The following NKPD1 variants were observed in gnomAD, a reference collection of about 807,000 sequenced individuals.
The protein encoded by NKPD1 is NTPase KAP family P-loop domain containing 1.
Under a neutral mutation model 42.2 loss-of-function variants are expected in NKPD1, and 37 were observed. The ratio of observed to expected loss-of-function variants is 0.88; its 90% CI spans 0.67 to 1.15. NKPD1 has a LOEUF of 1.15. NKPD1 is among the 50% of genes most tolerant of loss of function. NKPD1 has a pLI of 0.00. For synonymous variants in NKPD1, 552 were observed against 536.5 expected (o/e 1.03, Z -0.40); for missense variants, 1,113 against 1,174.6 (o/e 0.95, Z 0.77).
At chr19:45,153,951 G>T in intron 4 of NKPD1, 176 bp from the exon 5 acceptor site, 1 of 593,926 alleles carries the variant, frequency 1.7e-6, no homozygotes, top group Non-Finnish European at 2.6e-6. Context: ...AGAAGCGGGG[G>T]CGTGGAGAGG....
At position 45,158,608 on chromosome 19, in the gene NKPD1, G is replaced by T; in HGVS notation, c.529+55C>A. The stretch of plus-strand genomic sequence containing the variant: ...AGGCAGGGAGCAAGGAGAGCAGGTG[G>T]GAAGTGAGGCGGCAGGAGTGGGGAC... On this transcript the variant is annotated intron_variant, in intron 3 of 4. Transcript: ENST00000686631. This position sits in a 1 kb window ranked among gnomAD's most constrained non-coding sequence, Gnocchi z 4.6. The T allele has an allele frequency of 1.7e-6, 2 of 1,147,538 alleles. No individual in the cohort carries two copies. Among genetic ancestry groups the T allele is most frequent in the South Asian group, 3.5e-5 (2 of 57,436 alleles). The allele number at this position is 1,147,538 out of a possible 1,614,324, so 71.1% of individuals were successfully genotyped here. A position where few individuals can be genotyped will look rare whatever the true frequency, so the allele number is the denominator to read the frequency against.
Position 45,152,177 on chromosome 19 carries a change from T to G in NKPD1, c.2260A>C (p.Met754Leu). The G allele has an allele frequency of 1.9e-6, 3 of 1,595,330 alleles. No homozygotes were observed. Among genetic ancestry groups the G allele is most frequent in the Non-Finnish European group, 2.6e-6 (3 of 1,172,616 alleles). ...VNLDHSIRRR[M>L]GLIRAVSALK... Reference sequence around the variant, plus strand: ...GCGCTGACGGCTCGGATGAGACCCATGCGCCGGCGGATGGAGTGGTCCAGG... The same window carrying G: ...GCGCTGACGGCTCGGATGAGACCCAGGCGCCGGCGGATGGAGTGGTCCAGG... The change falls in exon 5 of 5, where the codon ATG becomes CTG. Residue 754 changes from methionine (M) to leucine (L), a missense_variant. By Grantham distance (15) the Met-to-Leu change is conservative. Coordinates refer to ENST00000686631, the MANE Select transcript of NKPD1 (RefSeq NM_198478.4).
rs748472591 is a variant in NKPD1, at chr19:45,153,570, G to T, written c.867C>A (p.Thr289=). 6.4e-7 allele frequency: 1 copy of T among 1,556,464 alleles called. No individual in the cohort carries two copies. The change falls in exon 5 of 5, where the codon ACC becomes ACA. Residue 289 remains threonine, a synonymous_variant. Transcript: ENST00000686631. Reference sequence around the variant, plus strand: ...TCACCAGGCCGGCCCACAGCTTGTCGGTGCCCGCGTACTGCCAGGCGCTAA... The same window carrying T: ...TCACCAGGCCGGCCCACAGCTTGTCTGTGCCCGCGTACTGCCAGGCGCTAA... ...IRFSAWQYAG[T]DKLWAGLVTT...
chr19:45,152,156 T>C lies in NKPD1; in HGVS notation c.2281A>G (p.Ser761Gly). 2 of 1,597,630 alleles carry C rather than the reference T, an allele frequency of 1.3e-6. No individual in the cohort carries two copies. The highest frequency in any genetic ancestry group is 1.7e-6 in the Non-Finnish European group (2 of 1,173,238). The stretch of plus-strand genomic sequence containing the variant: ...GGCGGGCTGGGCGGCTTGAGCGCGC[T>C]GACGGCTCGGATGAGACCCATGCGC... ...RRRMGLIRAV[S>G]ALKPPSPPKS... Residue 761 changes from serine to glycine, a missense_variant, in exon 5 of 5, where the codon AGC becomes GGC. This residue lies in a region of NKPD1 where 867 missense variants were observed against 870.1 expected (regional missense o/e 1.00). Transcript: ENST00000686631.
Position 45,151,637 on chromosome 19 carries a change from C to T in NKPD1, c.*301G>A. 1 of 346,296 alleles carries T rather than the reference C, an allele frequency of 2.9e-6. No homozygotes were observed. 21.5% of individuals were successfully genotyped at this position (346,296 alleles called of 1,614,324 possible). On this transcript the variant is annotated 3_prime_UTR_variant, in exon 5 of 5. Transcript: ENST00000686631. ...GGGCAGGCCCTGTGGCAGGACGGGGCAGGCCTGGTCCCTGGTCAGATCAGG... is the reference window on the plus strand; with the variant it reads ...GGGCAGGCCCTGTGGCAGGACGGGGTAGGCCTGGTCCCTGGTCAGATCAGG...
Position 45,152,868 on chromosome 19 carries a change from G to C in NKPD1, c.1569C>G (p.Val523=). The C allele has an allele frequency of 6.3e-7, 1 of 1,589,290 alleles. No individual in the cohort carries two copies. The highest frequency in any genetic ancestry group is 8.6e-7 in the Non-Finnish European group (1 of 1,164,936). ...DNGYLFLNRT[V]TLPFSVPIMG... ...TAATGGGCACAGAGAAGGGCAGCGT[G>C]ACAGTGCGGTTGAGGAAGAGGTAGC... Residue 523 remains valine (V), a synonymous_variant, in exon 5 of 5, where the codon GTC becomes GTG. Transcript: ENST00000686631.
upstream of NKPD1, among the ~76,000 whole-genome samples, chr19:45,161,173 C>A (rs1303305866): frequency 6.6e-6 from 1 of 152,232 alleles, no homozygotes; most frequent in Non-Finnish European, 1.5e-5. Flanking sequence ...CATCCCGCAG[C>A]ACTGCCTCAA....
intron 1 of NKPD1, among the ~76,000 whole-genome samples, 76 bp downstream of exon 1, chr19:45,160,849 G>C (rs1451968825): frequency 6.6e-6 from 1 of 151,898 alleles, no homozygotes; most frequent in Non-Finnish European, 1.5e-5. Context: ...AAGGCTGAGG[G>C]GCAGAGGAAA....
intron 3 of NKPD1, among the ~76,000 whole-genome samples, chr19:45,156,308 C>T (rs1968901878): frequency 6.6e-6 from 1 of 152,202 alleles, no homozygotes; most frequent in Non-Finnish European, 1.5e-5. Context: ...TTTCCACCAT[C>T]AGCAGGACTC....
rs893815341 is a variant in NKPD1 at position 45,149,865 on chromosome 19, C to G, written c.*2073G>C. ...GAAGCTCTTAGGGCTCTGTTGCTCC[C>G]CAGGGCCTCAAGGATCCCGGATCAA... On this transcript the variant is annotated 3_prime_UTR_variant, in exon 5 of 5. Transcript: ENST00000686631. 6.6e-6 allele frequency: 1 copy of G among 152,174 alleles called. No homozygotes were observed. Among genetic ancestry groups the G allele is most frequent in the Non-Finnish European group, 1.5e-5 (1 of 68,036 alleles). 9.4% of individuals were successfully genotyped at this position (152,174 alleles called of 1,614,324 possible).
At chr19:45,153,823 G>A (rs1322972010) in intron 4 of NKPD1, 48 bp from the exon 5 acceptor site, 3 of 1,407,852 alleles carry the variant, frequency 2.1e-6, no homozygotes, top group South Asian at 3.1e-5. Context: ...ACCCGCCGGG[G>A]TGGGCGGGGC....
At position 45,153,541 on chromosome 19, in the gene NKPD1, G is replaced by T. The variant is rs758927626; in HGVS notation, c.896C>A (p.Thr299Lys). 3 of 1,551,574 alleles carry T rather than the reference G, an allele frequency of 1.9e-6. No individual in the cohort carries two copies. Among genetic ancestry groups the T allele is most frequent in the Non-Finnish European group, 2.6e-6 (3 of 1,146,688 alleles). Residue 299 changes from threonine to lysine, a missense_variant, in exon 5 of 5, where the codon ACG becomes AAG. Physicochemically the swap from Thr to Lys is moderately conservative, Grantham distance 78. This residue lies in a region of NKPD1 where 867 missense variants were observed against 870.1 expected (regional missense o/e 1.00). Coordinates refer to ENST00000686631, the MANE Select transcript of NKPD1 (RefSeq NM_198478.4). ...TDKLWAGLVT[T>K]LCEGIRRHYG... ...GTGGCGGCGGATGCCCTCGCACAAC[G>T]TGGTCACCAGGCCGGCCCACAGCTT...
chr19:45,153,409 C>T lies in NKPD1; in HGVS notation c.1028G>A (p.Gly343Glu). The T allele has an allele frequency of 6.4e-7, 1 of 1,552,952 alleles. No individual in the cohort carries two copies. The highest frequency in any genetic ancestry group is 8.7e-7 in the Non-Finnish European group (1 of 1,153,020). ...EWHCRRRVCLGLLALLAALGL... is the reference protein window; with the variant it reads ...EWHCRRRVCLELLALLAALGL... ...CAGCGCCGCCAGCAGCGCCAGCAGC[C>T]CCAGGCACACGCGGCGCCGACAATG... is the stretch of plus-strand genomic sequence containing the variant. Residue 343 changes from glycine to glutamate, a missense_variant, in exon 5 of 5, where the codon GGG becomes GAG. By Grantham distance (98) the Gly-to-Glu change is moderately conservative. Coordinates refer to ENST00000686631, the MANE Select transcript of NKPD1 (RefSeq NM_198478.4).
chr19:45,152,323 G>A lies in NKPD1; in HGVS notation c.2114C>T (p.Thr705Ile). The part of the protein sequence containing the change: ...RDNSRELHTM[T>I]KALQNVLDLD... ...GTCGAGCACGTTCTGCAACGCCTTG[G>A]TCATGGTGTGCAGCTCGCGGCTGTT... The change falls in exon 5 of 5, where the codon ACC becomes ATC. Residue 705 changes from threonine to isoleucine, a missense_variant. Around this residue, in one of 3 missense-constraint regions of NKPD1, gnomAD observed 867 missense variants for 870.1 expected, o/e 1.00. Transcript: ENST00000686631. The A allele has an allele frequency of 6.2e-7, 1 of 1,609,448 alleles. No homozygotes were observed. Among genetic ancestry groups the A allele is most frequent in the Non-Finnish European group, 8.5e-7 (1 of 1,177,998 alleles).
intron 4 of NKPD1, 120 bp downstream of exon 4, chr19:45,155,665 G>A: frequency 9.9e-7 from 1 of 1,005,708 alleles, no homozygotes; most frequent in South Asian, 1.5e-5. Flanking sequence ...GCTTGGGGAG[G>A]GCCTGGGCTG....
At chr19:45,162,598 C>T (rs2122811095), upstream of NKPD1, among the ~76,000 whole-genome samples, 1 of 152,232 alleles carries the variant, frequency 6.6e-6, no homozygotes, top group South Asian at 2.1e-4. Context: ...TCTGGCCTCC[C>T]CCTACCCCAT....
chr19:45,161,488 T>C (rs1171875690), upstream of NKPD1, among the ~76,000 whole-genome samples: 1 of 152,192 alleles, frequency 6.6e-6, no homozygotes, highest in African/African-American at 2.4e-5. Context: ...ACATCAAGGC[T>C]TGCTACACCA....
Position 45,151,741 on chromosome 19 carries a change from C to T in NKPD1, c.*197G>A. On this transcript the variant is annotated 3_prime_UTR_variant, in exon 5 of 5. Coordinates refer to ENST00000686631, the MANE Select transcript of NKPD1 (RefSeq NM_198478.4). ...TGACTTCCTCACTGGTCCTTCTGTG[C>T]CTGCTCTCATGCTGGCACCGGCTTG... The T allele has an allele frequency of 1.9e-6, 1 of 533,022 alleles. No homozygotes were observed. Among genetic ancestry groups the T allele is most frequent in the Non-Finnish European group, 3.2e-6 (1 of 311,478 alleles). The allele number at this position is 533,022 out of a possible 1,614,324, so 33.0% of individuals were successfully genotyped here. A position where few individuals can be genotyped will look rare whatever the true frequency, so the allele number is the denominator to read the frequency against.
chr19:45,161,319 T>C (rs1284087116), upstream of NKPD1, among the ~76,000 whole-genome samples: 1 of 152,174 alleles, frequency 6.6e-6, no homozygotes, highest in Non-Finnish European at 1.5e-5. Flanking sequence ...GGCTTCCTCA[T>C]TGCTGAGTGG....
Sources: gnomAD v4.1 joint callset for allele counts (sites outside exome capture counted in the v4.1 genomes callset) on GRCh38, gnomAD v4.1.1 for gene constraint, gnomAD v4.1.1 regional missense constraint, Gnocchi (gnomAD v3.1) non-coding constraint, MANE v1.5 for transcripts, NCBI Gene and HGNC (gene_info 2026-07-23, HGNC 2026-07-21) for gene names.